CDH23: variants seen among roughly 807,000 people sequenced by gnomAD.
CDH23 encodes cadherin related 23, also known as cadherin-23.
CDH23 carries 189 observed loss-of-function variants against 317.1 expected under a neutral mutation model. That is an observed-to-expected ratio of 0.60 (90% CI 0.53 to 0.67). CDH23 has a LOEUF of 0.67. Ranked by LOEUF, CDH23 falls within the 30% of genes least tolerant of loss-of-function variation. The pLI, the probability that CDH23 is intolerant of heterozygous loss-of-function variation, is 0.00. For missense variants in CDH23, 4,401 were observed against 4,592.4 expected, an observed-to-expected ratio of 0.96 and a Z score of 1.20; for synonymous variants, 1,839 against 1,876.8, an observed-to-expected ratio of 0.98 and a Z score of 0.52.
At chr10:71,473,615 G>A (rs74321319) in intron 3 of CDH23, among the ~76,000 whole-genome samples, 2,203 of 152,232 alleles carry the variant, frequency 0.014, 47 homozygotes, top group African/African-American at 0.05. Flanking sequence ...AATTTTTCTC[G>A]TCTGTAAAAT....
intron 38 of CDH23, among the ~76,000 whole-genome samples, chr10:71,752,429 G>A (rs896828341): frequency 6.6e-6 from 1 of 152,204 alleles, no homozygotes; most frequent in Non-Finnish European, 1.5e-5. Flanking sequence ...TACCGGGGCA[G>A]GAACTTGGGT....
intron 38 of CDH23, among the ~76,000 whole-genome samples, chr10:71,746,738 G>A (rs1839860873): frequency 1.3e-5 from 2 of 152,208 alleles, no homozygotes; most frequent in Admixed American, 6.5e-5. Context: ...CCTGCCACGT[G>A]AATTGCAGCC....
At chr10:71,443,094 G>A (rs142799827) in intron 2 of CDH23, among the ~76,000 whole-genome samples, 173 of 152,298 alleles carry the variant, frequency 1.1e-3, no homozygotes, top group African/African-American at 3.9e-3. Flanking sequence ...ACTGGCGGGG[G>A]CACTCTGAGG....
intron 2 of CDH23, among the ~76,000 whole-genome samples, chr10:71,440,600 C>T (rs1849828385): frequency 6.6e-6 from 1 of 152,216 alleles, no homozygotes; most frequent in African/African-American, 2.4e-5. Flanking sequence ...GAGCCTTCCC[C>T]TCTGCCCTCC....
chr10:71,801,405 C>T (rs1024876582), intron 53 of CDH23, among the ~76,000 whole-genome samples: 2 of 152,056 alleles, frequency 1.3e-5, no homozygotes, highest in Admixed American at 6.6e-5. Flanking sequence ...TCGCCCACCT[C>T]GGCCTCCCAA....
intron 18 of CDH23, among the ~76,000 whole-genome samples, chr10:71,684,433 A>T (rs1436334145): frequency 1.3e-5 from 2 of 151,228 alleles, no homozygotes; most frequent in Non-Finnish European, 2.9e-5. Context: ...AGCCTGCTCC[A>T]CCCCCCCTGG....
intron 11 of CDH23, among the ~76,000 whole-genome samples, chr10:71,626,971 G>A (rs528549131): frequency 2.0e-5 from 3 of 152,220 alleles, no homozygotes; most frequent in Admixed American, 6.5e-5. Context: ...TCATTGCCTC[G>A]CCCCATGCCG....
intron 38 of CDH23, among the ~76,000 whole-genome samples, chr10:71,770,550 C>T (rs1840662844): frequency 6.6e-6 from 1 of 152,206 alleles, no homozygotes; most frequent in African/African-American, 2.4e-5. Context: ...CCTGGCCCAC[C>T]CTCCCCTGGG....
At chr10:71,551,847 G>A (rs772208087) in intron 6 of CDH23, among the ~76,000 whole-genome samples, 2 of 152,036 alleles carry the variant, frequency 1.3e-5, no homozygotes, top group Non-Finnish European at 2.9e-5. Context: ...CAACCCCTGC[G>A]GCAGGGCCCA....
At position 71,790,388 on chromosome 10, in the gene CDH23, C is replaced by T. The variant is rs778535834; in HGVS notation, c.6024C>T (p.Gly2008=). The change falls in exon 46 of 70, where the codon GGC becomes GGT. Residue 2008 remains glycine (G), a synonymous_variant. Transcript: ENST00000224721. ...VTYQLLGAQS[G]LFDINSSTGV... ...ACCAGCTGCTGGGTGCCCAGAGTGG[C>T]CTCTTTGACATCAACAGCAGCACCG... is the stretch of plus-strand genomic sequence containing the variant. 6.2e-6 allele frequency: 10 copies of T among 1,613,366 alleles called. No individual in the cohort carries two copies. Among genetic ancestry groups the T allele is most frequent in the South Asian group, 5.5e-5 (5 of 91,026 alleles).
At chr10:71,809,167 CTTT>C (rs61078259) in intron 60 of CDH23, among the ~76,000 whole-genome samples, 8 of 68,842 alleles carry the variant, frequency 1.2e-4, no homozygotes, top group East Asian at 5.2e-4. Context: ...TTTCTTTTTC[CTTT>C]TTTTTTTTTT....
intron 3 of CDH23, among the ~76,000 whole-genome samples, chr10:71,451,126 T>C (rs1333400272): frequency 1.3e-5 from 2 of 152,020 alleles, no homozygotes; most frequent in African/African-American, 2.4e-5. Context: ...TCCCATCCCT[T>C]AGGGCATCCT....
At chr10:71,690,296 G>T (rs1385007791) in intron 19 of CDH23, among the ~76,000 whole-genome samples, 172 bp from the exon 20 acceptor site, 2 of 152,148 alleles carry the variant, frequency 1.3e-5, no homozygotes, top group Non-Finnish European at 2.9e-5. Context: ...AGCCGCCCTT[G>T]TCCCAGGGAT....
In CDH23 at chr10:71,800,722, T is replaced by A. The variant is rs745897380; in HGVS notation, c.7449T>A (p.Asp2483Glu). The A allele has an allele frequency of 6.2e-7, 1 of 1,613,980 alleles. No individual in the cohort carries two copies. The highest frequency in any genetic ancestry group is 8.5e-7 in the Non-Finnish European group (1 of 1,179,886). ...CCTTGGCCAAAGACAACCCTGGGGA[T>A]GTAGCCAGCAACCGTCGCGAAAATT... ...LTALAKDNPG[D>E]VASNRRENSV... The change falls in exon 53 of 70, where the codon GAT becomes GAA. Residue 2483 changes from aspartate (D) to glutamate (E), a missense_variant. By Grantham distance (45) the Asp-to-Glu change is conservative (BLOSUM62 2). This residue lies in a region of CDH23 where 189 missense variants were observed against 250.9 expected (regional missense o/e 0.75). Transcript: ENST00000224721.
intron 9 of CDH23, among the ~76,000 whole-genome samples, chr10:71,609,124 G>A (rs568729796): frequency 1.3e-5 from 2 of 152,206 alleles, no homozygotes; most frequent in South Asian, 4.1e-4. Context: ...GATGCTGCAG[G>A]TGGGGCAGGG....
chr10:71,689,048 CAGGGATG>C (rs1865061139), intron 19 of CDH23, among the ~76,000 whole-genome samples: 1 of 136,886 alleles, frequency 7.3e-6, no homozygotes, highest in Non-Finnish European at 1.6e-5. Context: ...GTGGTGGAGC[CAGGGATG>C]GTGGAGCCAG....
chr10:71,732,341 A>G lies in CDH23; in HGVS notation c.4070A>G (p.Gln1357Arg), dbSNP rs1038949759. ...CGCTTCAACGCCTACACCAGCACCC[A>G]GGCCAAAGCCCTCTTCAAGATAGAC... Reference protein sequence around the residue: ...TYRFNAYTSTQAKALFKIDAI... With the variant: ...TYRFNAYTSTRAKALFKIDAI... Residue 1357 changes from glutamine (Q) to arginine (R), a missense_variant, in exon 32 of 70, where the codon CAG becomes CGG. Around this residue, in one of 3 missense-constraint regions of CDH23, gnomAD observed 3,068 missense variants for 3,203.3 expected, o/e 0.96. Transcript: ENST00000224721. 3.8e-6 allele frequency: 6 copies of G among 1,581,134 alleles called. No individual in the cohort carries two copies. Among genetic ancestry groups the G allele is most frequent in the African/African-American group, 1.4e-5 (1 of 74,050 alleles).
chr10:71,730,389 G>A, intron 30 of CDH23, 80 bp from the exon 31 acceptor site: 1 of 1,538,698 alleles, frequency 6.5e-7, no homozygotes, highest in Non-Finnish European at 8.8e-7. Flanking sequence ...GACCACACAA[G>A]GCGGCCACAG....
At chr10:71,658,716 G>A (rs758917489) in intron 14 of CDH23, among the ~76,000 whole-genome samples, 4 of 152,230 alleles carry the variant, frequency 2.6e-5, no homozygotes, top group African/African-American at 4.8e-5. Context: ...AGAGGTGAGC[G>A]GCGTGTCCCA....
Sources: gnomAD v4.1 joint callset for allele counts (sites outside exome capture counted in the v4.1 genomes callset) on GRCh38, gnomAD v4.1.1 for gene constraint, gnomAD v4.1.1 regional missense constraint, MANE v1.5 for transcripts, NCBI Gene and HGNC (gene_info 2026-07-23, HGNC 2026-07-21) for gene names.